ERC2: variants seen among roughly 807,000 people sequenced by gnomAD.
ERC2 encodes the protein ERC protein 2.
In ERC2, 42 loss-of-function variants were observed where a neutral mutation model predicts 114.8. The observed-to-expected ratio is 0.37, with a 90% CI of 0.29 to 0.47. ERC2 has a LOEUF of 0.47. ERC2 is among the 20% of genes least tolerant of loss of function. ERC2 has a pLI of 0.99. For synonymous variants in ERC2, 454 were observed against 425.5 expected (o/e 1.07, Z -0.82); for missense variants, 939 against 1,150.7 (o/e 0.82, Z 2.66).
intron 14 of ERC2, among the ~76,000 whole-genome samples, chr3:55,813,030 A>G (rs566906489): frequency 2.0e-5 from 3 of 152,230 alleles, no homozygotes; most frequent in Non-Finnish European, 4.4e-5. Context: ...TTCTCATAAA[A>G]GTCCAATGAG....
intron 3 of ERC2, among the ~76,000 whole-genome samples, chr3:56,213,215 G>A (rs1331628300): frequency 1.3e-5 from 2 of 152,182 alleles, no homozygotes; most frequent in African/African-American, 4.8e-5. Context: ...AGCAAGGCGA[G>A]GCATCACCTC....
Position 55,546,349 on chromosome 3 carries a change from C to T in ERC2, c.*40-35073G>A, listed in dbSNP as rs186380980. ...GCAAGACTTTGTTTAAATCATTTCCCAGTGAGACCCTCCTTGAGCACCCTA... is the reference window on the plus strand; with the variant it reads ...GCAAGACTTTGTTTAAATCATTTCCTAGTGAGACCCTCCTTGAGCACCCTA... On this transcript the variant is annotated intron_variant, in intron 17 of 17. Coordinates refer to ENST00000288221, the MANE Select transcript of ERC2 (RefSeq NM_015576.3). Among the ~76,000 whole-genome samples the T allele has an allele frequency of 1.3e-3, 201 of 152,300 alleles. 2 individuals carry two copies. Among genetic ancestry groups the T allele is most frequent in the Middle Eastern group, 3.4e-3 (1 of 294 alleles).
chr3:55,691,734 C>T (rs1049371804), intron 16 of ERC2, among the ~76,000 whole-genome samples: 1 of 151,306 alleles, frequency 6.6e-6, no homozygotes, highest in African/African-American at 2.4e-5. Flanking sequence ...TTTGTATGTT[C>T]CATAACTATA....
At chr3:56,260,457 T>C (rs2052840513) in intron 3 of ERC2, among the ~76,000 whole-genome samples, 1 of 152,208 alleles carries the variant, frequency 6.6e-6, no homozygotes, top group African/African-American at 2.4e-5. Flanking sequence ...GCCCCAGCCC[T>C]GGAACAGCAA....
intron 7 of ERC2, among the ~76,000 whole-genome samples, chr3:56,053,271 C>A (rs985317010): frequency 6.6e-6 from 1 of 152,102 alleles, no homozygotes; most frequent in African/African-American, 2.4e-5. Context: ...AACTGAACAA[C>A]CAGACCCACA....
intron 13 of ERC2, among the ~76,000 whole-genome samples, chr3:55,917,120 A>G (rs543564855): frequency 5.3e-5 from 8 of 152,270 alleles, no homozygotes; most frequent in African/African-American, 1.9e-4. Context: ...CCAAAATTCC[A>G]TCATGAAGGT....
intron 3 of ERC2, among the ~76,000 whole-genome samples, chr3:56,176,697 T>C (rs950611840): frequency 6.6e-6 from 1 of 152,294 alleles, no homozygotes; most frequent in African/African-American, 2.4e-5. Context: ...CCAGACAACA[T>C]GGACTGTCTG....
chr3:56,226,850 T>C (rs1031154295), intron 3 of ERC2, among the ~76,000 whole-genome samples: 10 of 152,302 alleles, frequency 6.6e-5, no homozygotes, highest in East Asian at 1.9e-4. Context: ...TCTTATTTTT[T>C]ACCCTTCTTC....
intron 17 of ERC2, among the ~76,000 whole-genome samples, chr3:55,541,237 G>T (rs898804501): frequency 3.3e-5 from 5 of 152,128 alleles, no homozygotes; most frequent in African/African-American, 1.2e-4. Context: ...AATGTACAAG[G>T]TTGCTAATTT....
intron 1 of ERC2, among the ~76,000 whole-genome samples, chr3:56,463,693 T>A (rs1041260418): frequency 2.0e-5 from 3 of 152,234 alleles, no homozygotes; most frequent in Non-Finnish European, 4.4e-5. Context: ...AATTCACCTT[T>A]CTTACTCTCT....
Position 56,034,879 on chromosome 3 carries a change from T to C in ERC2, c.1642-15848A>G, listed in dbSNP as rs907880710. 3.3e-5 allele frequency among the ~76,000 whole-genome samples: 5 copies of C among 151,596 alleles called. No individual in the cohort carries two copies. In the East Asian group the frequency reaches 5.8e-4, roughly 18 times the overall value. ...CACCTATATTAAGGAAAAAGAAAGA[T>C]ATCAAATAAACAACTTAACCTCATA... On this transcript the variant is annotated intron_variant, in intron 7 of 17. Transcript: ENST00000288221.
At chr3:55,531,172 A>G (rs930999165) in intron 17 of ERC2, among the ~76,000 whole-genome samples, 5 of 152,108 alleles carry the variant, frequency 3.3e-5, no homozygotes, top group Admixed American at 6.5e-5. Context: ...TAAGTGAATG[A>G]TCCACTCTAG....
At chr3:55,750,210 G>C (rs1388198136) in intron 14 of ERC2, among the ~76,000 whole-genome samples, 3 of 152,052 alleles carry the variant, frequency 2.0e-5, no homozygotes, top group African/African-American at 7.2e-5. Context: ...ATAAATAATA[G>C]TTTATTAACA....
At chr3:56,283,692 G>A (rs375273298) in intron 3 of ERC2, among the ~76,000 whole-genome samples, 1 of 152,220 alleles carries the variant, frequency 6.6e-6, no homozygotes, top group African/African-American at 2.4e-5. Flanking sequence ...GTGCACATAG[G>A]TAGTGAGGGA....
chr3:56,211,800 T>A (rs951929596), intron 3 of ERC2, among the ~76,000 whole-genome samples: 1 of 152,062 alleles, frequency 6.6e-6, no homozygotes, highest in Non-Finnish European at 1.5e-5. Context: ...TTAAGCCAAA[T>A]ACTTACGGCC....
intron 2 of ERC2, among the ~76,000 whole-genome samples, chr3:56,374,961 A>T (rs2059486336): frequency 6.6e-6 from 1 of 152,172 alleles, no homozygotes; most frequent in Admixed American, 6.5e-5. Context: ...AGCATGAGGG[A>T]CTAAAATCTA....
At chr3:56,449,316 C>A (rs1559517934) in intron 1 of ERC2, among the ~76,000 whole-genome samples, 1 of 152,120 alleles carries the variant, frequency 6.6e-6, no homozygotes, top group Non-Finnish European at 1.5e-5. Context: ...AGAGCGGACT[C>A]TAGAATGCCA....
chr3:55,800,162 G>A (rs9820378), intron 14 of ERC2, among the ~76,000 whole-genome samples: 4,199 of 150,884 alleles, frequency 0.028, 200 homozygotes, highest in African/African-American at 0.097. Context: ...TCTTTGTTTC[G>A]TGGAGTCTTG....
At chr3:56,084,958 A>C (rs1352148792) in intron 6 of ERC2, among the ~76,000 whole-genome samples, 1 of 151,916 alleles carries the variant, frequency 6.6e-6, no homozygotes, top group African/African-American at 2.4e-5. Flanking sequence ...GAGGACACTT[A>C]GGTTTTTAGG....
Sources: allele counts gnomAD v4.1 joint callset (sites outside exome capture counted in the v4.1 genomes callset), GRCh38; gene constraint gnomAD v4.1.1; transcripts MANE v1.5; gene names NCBI Gene and HGNC (gene_info 2026-07-23, HGNC 2026-07-21).